Variants in PLPPR4 observed in about 807,000 individuals in gnomAD.
The protein encoded by PLPPR4 is phospholipid phosphatase-related protein type 4.
A neutral mutation model predicts 56.6 loss-of-function variants in PLPPR4; 24 were observed. The observed-to-expected ratio is 0.42, with a 90% CI of 0.31 to 0.60. The LOEUF is 0.60. Ranked by LOEUF, PLPPR4 falls within the 20% of genes least tolerant of loss-of-function variation. PLPPR4 has a pLI of 0.13. For missense variants in PLPPR4, 654 were observed against 885.8 expected, an observed-to-expected ratio of 0.74 and a Z score of 3.32; for synonymous variants, 326 against 328.1, an observed-to-expected ratio of 0.99 and a Z score of 0.07.
At chr1:99,304,914 T>C (rs1659979768) in intron 6 of PLPPR4, among the ~76,000 whole-genome samples, 1 of 152,156 alleles carries the variant, frequency 6.6e-6, no homozygotes, top group Admixed American at 6.6e-5. Flanking sequence ...GAGTCTGAAC[T>C]TTAGCCTTTT....
At chr1:99,270,924 A>G (rs147690597) in intron 1 of PLPPR4, among the ~76,000 whole-genome samples, 1,998 of 152,358 alleles carry the variant, frequency 0.013, 19 homozygotes, top group Non-Finnish European at 0.02. Flanking sequence ...AATAGAGAAC[A>G]GAGTCCTAAG....
At chr1:99,304,315 T>C (rs977716230) in intron 6 of PLPPR4, among the ~76,000 whole-genome samples, 3 of 152,220 alleles carry the variant, frequency 2.0e-5, no homozygotes, top group African/African-American at 7.2e-5. Flanking sequence ...CTAGGAGCAA[T>C]AGGCTGTACC....
intron 3 of PLPPR4, 178 bp from the exon 4 acceptor site, chr1:99,298,857 T>C: frequency 1.5e-6 from 1 of 672,160 alleles, no homozygotes; most frequent in Non-Finnish European, 2.6e-6. Context: ...ATTGCCTTTA[T>C]TTTGGACTTA....
Position 99,306,785 on chromosome 1 carries a change from C to A in PLPPR4, c.1923C>A (p.Asn641Lys). 1 of 1,614,026 alleles carries A rather than the reference C, an allele frequency of 6.2e-7. No individual in the cohort carries two copies. Among genetic ancestry groups the A allele is most frequent in the Non-Finnish European group, 8.5e-7 (1 of 1,179,984 alleles). ...GTTCTGGAGATCGCAAGAGAAGCAA[C>A]ATTGATAGCAATGAGCATCACCACC... The part of the protein sequence containing the change: ...SFGSGDRKRS[N>K]IDSNEHHHHG... The change falls in exon 7 of 7, where the codon AAC (asparagine) becomes AAA (lysine). Residue 641 changes from asparagine (N) to lysine (K), a missense_variant. This residue lies in a region of PLPPR4 where 468 missense variants were observed against 554.3 expected (regional missense o/e 0.84). Coordinates refer to ENST00000370185, the MANE Select transcript of PLPPR4 (RefSeq NM_014839.5). The surrounding 1 kb of genome is among the most constrained non-coding windows in gnomAD (Gnocchi z 4.0).
At chr1:99,290,562 C>A (rs1229684468) in intron 2 of PLPPR4, among the ~76,000 whole-genome samples, 1 of 152,040 alleles carries the variant, frequency 6.6e-6, no homozygotes, top group Non-Finnish European at 1.5e-5. Flanking sequence ...GCTACAGTAA[C>A]CAAAACAGCA....
At chr1:99,301,566 A>G (rs761447156) in intron 5 of PLPPR4, among the ~76,000 whole-genome samples, 158 bp from the exon 6 acceptor site, 2 of 152,038 alleles carry the variant, frequency 1.3e-5, no homozygotes, top group African/African-American at 4.8e-5. Flanking sequence ...TTCATCATGC[A>G]TATCCCTTCT....
chr1:99,276,254 T>C (rs1659182728), intron 1 of PLPPR4, among the ~76,000 whole-genome samples: 1 of 152,110 alleles, frequency 6.6e-6, no homozygotes, highest in Non-Finnish European at 1.5e-5. Flanking sequence ...AAGAGAAGCT[T>C]GTGATATGCT....
rs1188273216 is a variant in PLPPR4 at position 99,308,359 on chromosome 1, A to G, written c.*1349A>G. 3 of 152,242 alleles carry G rather than the reference A, an allele frequency of 2.0e-5. No individual in the cohort carries two copies. The highest frequency in any genetic ancestry group is 7.2e-5 in the African/African-American group (3 of 41,454). 9.4% of individuals were successfully genotyped at this position (152,242 alleles called of 1,614,324 possible). On this transcript the variant is annotated 3_prime_UTR_variant, in exon 7 of 7. Coordinates refer to ENST00000370185, the MANE Select transcript of PLPPR4 (RefSeq NM_014839.5). ...GTTTTAGTTTAACATGCAAACAACC[A>G]TTGTTGCTACCTATCCTGAATCAAG...
At chr1:99,280,376 T>G (rs1436602103) in intron 1 of PLPPR4, among the ~76,000 whole-genome samples, 1 of 152,254 alleles carries the variant, frequency 6.6e-6, no homozygotes, top group Non-Finnish European at 1.5e-5. Flanking sequence ...AACTAGTATC[T>G]GGCACCTAAG....
At chr1:99,288,458 C>T (rs1659528344) in intron 2 of PLPPR4, among the ~76,000 whole-genome samples, 1 of 151,476 alleles carries the variant, frequency 6.6e-6, no homozygotes. Flanking sequence ...GATATACTTC[C>T]TAATTAACTT....
chr1:99,301,749 A>C lies in PLPPR4; in HGVS notation c.674A>C (p.Asp225Ala), dbSNP rs577231743. ...VSMYFNSTLT[D>A]SSKLLKPLLV... ...ATGTACTTCAATTCCACATTAACGG[A>C]TTCCTCTAAGCTTCTGAAACCTCTC... is the stretch of plus-strand genomic sequence containing the variant. The change falls in exon 6 of 7, where the codon GAT (aspartate) becomes GCT (alanine). Residue 225 changes from aspartate (D) to alanine (A), a missense_variant. Coordinates refer to ENST00000370185, the MANE Select transcript of PLPPR4 (RefSeq NM_014839.5). 3.7e-6 allele frequency: 6 copies of C among 1,608,910 alleles called. No homozygotes were observed. The East Asian group carries it at 1.3e-4, about 36-fold the overall frequency.
intron 1 of PLPPR4, among the ~76,000 whole-genome samples, chr1:99,270,620 T>C (rs1659032392): frequency 6.6e-6 from 1 of 152,218 alleles, no homozygotes; most frequent in Non-Finnish European, 1.5e-5. Context: ...TCACAAGATT[T>C]CTCTTCTATC....
chr1:99,297,462 T>C (rs1006021591), intron 3 of PLPPR4, among the ~76,000 whole-genome samples: 1 of 152,180 alleles, frequency 6.6e-6, no homozygotes, highest in African/African-American at 2.4e-5. Context: ...CTGCTTAGCA[T>C]TGGACCATCC....
intron 1 of PLPPR4, among the ~76,000 whole-genome samples, chr1:99,266,088 C>T (rs1004411128): frequency 2.0e-5 from 3 of 152,160 alleles, no homozygotes; most frequent in Non-Finnish European, 2.9e-5. Flanking sequence ...TAATAAAGAG[C>T]TTTCTCAAGA....
Position 99,264,507 on chromosome 1 carries a change from C to A in PLPPR4, c.-87C>A, listed in dbSNP as rs776709541. The stretch of plus-strand genomic sequence containing the variant: ...GGAATGTGACATCAGCGGCGCCGGG[C>A]GCTTGGGGCTGGAGGAGGCAGCTCG... On this transcript the variant is annotated 5_prime_UTR_variant, in exon 1 of 7. Coordinates refer to ENST00000370185, the MANE Select transcript of PLPPR4 (RefSeq NM_014839.5). 8 of 1,543,272 alleles carry A rather than the reference C, an allele frequency of 5.2e-6. No individual in the cohort carries two copies. The Admixed American group carries it at 1.4e-4, about 27-fold the overall frequency.
chr1:99,306,042 G>A lies in PLPPR4; in HGVS notation c.1180G>A (p.Ala394Thr), dbSNP rs1324045981. 45 of 1,613,996 alleles carry A rather than the reference G, an allele frequency of 2.8e-5. No homozygotes were observed. The highest frequency in any genetic ancestry group is 3.8e-5 in the Non-Finnish European group (45 of 1,180,026). ...GAGCATTCATGCCTCTATGGATTCC[G>A]CTCGATCAAAGCAGCTCCTCACCCA... Reference protein sequence around the residue: ...NASIHASMDSARSKQLLTQWK... With the variant: ...NASIHASMDSTRSKQLLTQWK... The change falls in exon 7 of 7, where the codon GCT becomes ACT. Residue 394 changes from alanine (A) to threonine (T), a missense_variant. Ala to Thr is a moderately conservative substitution (Grantham distance 58, BLOSUM62 0). Transcript: ENST00000370185. The surrounding 1 kb of genome is among the most constrained non-coding windows in gnomAD (Gnocchi z 4.0).
At chr1:99,263,672 G>GT (rs1658818367), upstream of PLPPR4, among the ~76,000 whole-genome samples, 3 of 152,214 alleles carry the variant, frequency 2.0e-5, no homozygotes, top group African/African-American at 7.2e-5. Flanking sequence ...CATGTATACT[G>GT]CCAACAAGAT....
chr1:99,293,464 G>A (rs1029803617), intron 2 of PLPPR4, among the ~76,000 whole-genome samples: 7 of 151,874 alleles, frequency 4.6e-5, no homozygotes. Flanking sequence ...GTTCTTTGGA[G>A]ATTATTTCTC....
chr1:99,304,538 G>T (rs1443857716), intron 6 of PLPPR4, among the ~76,000 whole-genome samples: 1 of 152,152 alleles, frequency 6.6e-6, no homozygotes, highest in Non-Finnish European at 1.5e-5. Context: ...AATAGAACAT[G>T]AGTTAGGGAT....
Sources: allele counts gnomAD v4.1 joint callset (sites outside exome capture counted in the v4.1 genomes callset), GRCh38; gene constraint gnomAD v4.1.1; regional missense constraint gnomAD v4.1.1; non-coding constraint Gnocchi (gnomAD v3.1); transcripts MANE v1.5; gene names NCBI Gene and HGNC (gene_info 2026-07-23, HGNC 2026-07-21).